The following SHISA9 variants were observed in gnomAD, a reference collection of about 807,000 sequenced individuals.
SHISA9 encodes the protein shisa family member 9, also known as protein shisa-9.
SHISA9 carries 13 observed loss-of-function variants against 38.0 expected under a neutral mutation model. That is an observed-to-expected ratio of 0.34 (90% confidence interval 0.22 to 0.54). SHISA9 has a LOEUF of 0.54. Among genes scored for constraint, SHISA9 ranks in the 20% least tolerant of loss-of-function variants. The pLI, the probability that SHISA9 is intolerant of heterozygous loss-of-function variation, is 0.91. For missense variants in SHISA9, 538 were observed against 575.8 expected, an observed-to-expected ratio of 0.93 and a Z score of 0.67; for synonymous variants, 275 against 242.0, an observed-to-expected ratio of 1.14 and a Z score of -1.27.
intron 2 of SHISA9, among the ~76,000 whole-genome samples, chr16:13,105,707 A>C (rs1038085360): frequency 2.6e-5 from 4 of 152,208 alleles, no homozygotes; most frequent in Admixed American, 6.5e-5. Context: ...TTGTGCTGTC[A>C]GGGAGAATCA....
chr16:13,480,489 G>A, the SHISA9 span, among the ~76,000 whole-genome samples: 1 of 152,144 alleles, frequency 6.6e-6, no homozygotes, highest in African/African-American at 2.4e-5. Flanking sequence ...GCACCTTGCT[G>A]GTCACTCAGA....
chr16:13,389,665 G>A, the SHISA9 span, among the ~76,000 whole-genome samples: 1 of 152,116 alleles, frequency 6.6e-6, no homozygotes, highest in Admixed American at 6.5e-5. Context: ...CAGATCACTT[G>A]GAACTCAAAC....
the SHISA9 span, among the ~76,000 whole-genome samples, chr16:13,302,549 T>A: frequency 1.3e-5 from 2 of 152,184 alleles, no homozygotes; most frequent in African/African-American, 4.8e-5. Flanking sequence ...ACTCTCTCCA[T>A]GAACTAAACC....
At chr16:12,978,525 G>A (rs1423891724) in intron 2 of SHISA9, among the ~76,000 whole-genome samples, 1 of 152,190 alleles carries the variant, frequency 6.6e-6, no homozygotes, top group East Asian at 1.9e-4. Flanking sequence ...TGCCAGTGAT[G>A]CACATTACTA....
At chr16:13,328,473 C>T in the SHISA9 span, among the ~76,000 whole-genome samples, 9 of 149,094 alleles carry the variant, frequency 6.0e-5, 1 homozygote, top group South Asian at 4.2e-4. Context: ...AATGCAATGG[C>T]GTGATCTTGG....
rs1470879764 is a variant in SHISA9 at position 13,235,329 on chromosome 16, C to A, written c.1195C>A (p.Pro399Thr). Residue 399 changes from proline to threonine, a missense_variant, in exon 5 of 5, where the codon CCC becomes ACC. Physicochemically the swap from Pro to Thr is conservative, Grantham distance 38. Transcript: ENST00000558583. ...LGTAETGSSD[P>T]LGTRPQHYPP... Reference sequence around the variant, plus strand: ...CACGGCCGAGACAGGCTCCAGCGACCCCTTGGGAACTCGCCCCCAGCACTA... The same window carrying A: ...CACGGCCGAGACAGGCTCCAGCGACACCTTGGGAACTCGCCCCCAGCACTA... The A allele has an allele frequency of 1.9e-6, 3 of 1,547,512 alleles. No homozygotes were observed. The highest frequency in any genetic ancestry group is 2.6e-6 in the Non-Finnish European group (3 of 1,147,004).
intron 2 of SHISA9, among the ~76,000 whole-genome samples, chr16:13,004,886 C>G (rs146214189): frequency 2.8e-5 from 4 of 145,316 alleles, no homozygotes; most frequent in African/African-American, 7.7e-5. Flanking sequence ...GAGCCTAGAT[C>G]ATGCCACTAC....
intron 2 of SHISA9, among the ~76,000 whole-genome samples, chr16:13,150,030 T>TAAAA (rs35012437): frequency 8.9e-5 from 6 of 67,666 alleles, no homozygotes; most frequent in Middle Eastern, 0.014. Context: ...TCCTCATCAT[T>TAAAA]AAAAAAAAAA....
At chr16:12,921,807 A>G (rs1005210579) in intron 2 of SHISA9, among the ~76,000 whole-genome samples, 3 of 152,210 alleles carry the variant, frequency 2.0e-5, no homozygotes, top group Non-Finnish European at 4.4e-5. Flanking sequence ...TTCCTAGCCA[A>G]GGCAGACAAA....
intron 2 of SHISA9, among the ~76,000 whole-genome samples, chr16:12,918,546 A>G (rs567369307): frequency 8.5e-5 from 13 of 152,336 alleles, no homozygotes; most frequent in Non-Finnish European, 1.6e-4. Flanking sequence ...AATGTTGCTT[A>G]CATAAGGCGT....
the SHISA9 span, among the ~76,000 whole-genome samples, chr16:13,361,199 T>A: frequency 6.6e-6 from 1 of 152,238 alleles, no homozygotes; most frequent in Non-Finnish European, 1.5e-5. Context: ...TATCTCTCTG[T>A]CCATCTTTCT....
At position 13,061,669 on chromosome 16, in the gene SHISA9, C is replaced by A. The variant is rs539089717; in HGVS notation, c.692-141725C>A. On this transcript the variant is annotated intron_variant, in intron 2 of 4. Transcript: ENST00000558583. ...ACCAAACAGGTATAGCTCCTGCCCT[C>A]TGGAGCTTTGCAATTCATTACAGGA... Among the ~76,000 whole-genome samples, 8 of 152,310 alleles carry A rather than the reference C, an allele frequency of 5.3e-5. No individual in the cohort carries two copies. The East Asian group carries it at 1.5e-3, about 29-fold the overall frequency.
At chr16:13,189,341 G>C (rs2050860365) in intron 2 of SHISA9, among the ~76,000 whole-genome samples, 1 of 152,200 alleles carries the variant, frequency 6.6e-6, no homozygotes, top group Non-Finnish European at 1.5e-5. Context: ...TGAACCTCCA[G>C]ATTCTTCCTG....
intron 3 of SHISA9, among the ~76,000 whole-genome samples, chr16:13,211,885 G>A (rs1472628251): frequency 6.6e-6 from 1 of 152,174 alleles, no homozygotes; most frequent in East Asian, 1.9e-4. Context: ...GGAAGAATGG[G>A]GGTCGCACCA....
At chr16:13,322,538 T>C in the SHISA9 span, among the ~76,000 whole-genome samples, 1 of 152,128 alleles carries the variant, frequency 6.6e-6, no homozygotes, top group Non-Finnish European at 1.5e-5. Flanking sequence ...ACCCAGACTG[T>C]GTGAGTTTTG....
intron 2 of SHISA9, among the ~76,000 whole-genome samples, chr16:13,089,883 A>G (rs1457540667): frequency 6.6e-6 from 1 of 151,756 alleles, no homozygotes; most frequent in Non-Finnish European, 1.5e-5. Context: ...AGTTCTTTTC[A>G]TTGTGATGTT....
At chr16:13,050,046 T>C (rs1026158945) in intron 2 of SHISA9, among the ~76,000 whole-genome samples, 12 of 152,108 alleles carry the variant, frequency 7.9e-5, no homozygotes, top group African/African-American at 2.9e-4. Context: ...AATGCCCCCA[T>C]AAGGGGATGC....
chr16:13,463,088 G>C, the SHISA9 span, among the ~76,000 whole-genome samples: 4 of 152,172 alleles, frequency 2.6e-5, no homozygotes, highest in African/African-American at 9.7e-5. Flanking sequence ...CCTGGGGGGG[G>C]AAGGTTGCAG....
At chr16:12,977,837 T>C (rs2072185392) in intron 2 of SHISA9, among the ~76,000 whole-genome samples, 1 of 146,838 alleles carries the variant, frequency 6.8e-6, no homozygotes, top group Admixed American at 6.8e-5. Flanking sequence ...GGGGGGAGAG[T>C]GAGAGCATCA....
Sources: allele counts gnomAD v4.1 joint callset (sites outside exome capture counted in the v4.1 genomes callset), GRCh38; gene constraint gnomAD v4.1.1; transcripts MANE v1.5; gene names NCBI Gene and HGNC (gene_info 2026-07-23, HGNC 2026-07-21).